The following WFDC11 variants were observed in gnomAD, a reference collection of about 807,000 sequenced individuals.
WFDC11 encodes WAP four-disulfide core domain 11, also known as protein WFDC11.
A neutral mutation model predicts 9.9 loss-of-function variants in WFDC11; 9 were observed. The ratio of observed to expected loss-of-function variants is 0.91; its 90% confidence interval spans 0.55 to 1.58. The LOEUF is 1.58. Among genes scored for constraint, WFDC11 ranks in the 40% most tolerant of loss-of-function variants. The pLI is 0.00. For synonymous variants in WFDC11, 32 were observed against 33.3 expected (o/e 0.96, Z 0.13); for missense variants, 106 against 101.7 (o/e 1.04, Z -0.18).
intron 2 of WFDC11, among the ~76,000 whole-genome samples, chr20:45,665,102 C>T (rs1983159834): frequency 6.6e-6 from 1 of 152,138 alleles, no homozygotes; most frequent in African/African-American, 2.4e-5. Context: ...TTCTTGGAGG[C>T]TTTGTTCATT....
chr20:45,665,625 G>T (rs541161783), intron 2 of WFDC11, among the ~76,000 whole-genome samples: 1 of 151,618 alleles, frequency 6.6e-6, no homozygotes, highest in African/African-American at 2.4e-5. Context: ...TTTTGTTGAC[G>T]TTGATGCTAT....
chr20:45,669,230 AT>A (rs1341220470), intron 1 of WFDC11, among the ~76,000 whole-genome samples: 6 of 152,178 alleles, frequency 3.9e-5, no homozygotes. Context: ...AACCATCTTT[AT>A]CATTTGCTAA....
Position 45,649,311 on chromosome 20 carries a change from G to A in WFDC11, c.189C>T (p.Asp63=). The A allele has an allele frequency of 6.2e-7, 1 of 1,614,068 alleles. No homozygotes were observed. Residue 63 remains aspartate, a synonymous_variant, in exon 4 of 5, where the codon GAC becomes GAT. Transcript: ENST00000324384. ...NKCSKAFRCK[D]KNYTCCWTYC... Reference sequence around the variant, plus strand: ...AGGTCCAGCAGCATGTGTAATTTTTGTCTTTACATCTAAAGGCTTTAGAAC... The same window carrying A: ...AGGTCCAGCAGCATGTGTAATTTTTATCTTTACATCTAAAGGCTTTAGAAC...
At chr20:45,661,023 A>G (rs958913281) in intron 2 of WFDC11, among the ~76,000 whole-genome samples, 32 of 152,196 alleles carry the variant, frequency 2.1e-4, no homozygotes, top group Non-Finnish European at 2.9e-5. Flanking sequence ...ACTAGTTTAC[A>G]GTCCCACCAA....
intron 2 of WFDC11, among the ~76,000 whole-genome samples, chr20:45,656,289 A>T (rs930466923): frequency 6.6e-6 from 1 of 152,210 alleles, no homozygotes. Context: ...CCACACATCT[A>T]CAACCATCTG....
chr20:45,658,153 G>A (rs1854555979), intron 2 of WFDC11, among the ~76,000 whole-genome samples: 1 of 151,936 alleles, frequency 6.6e-6, no homozygotes, highest in Non-Finnish European at 1.5e-5. Flanking sequence ...CACAATCTAG[G>A]CCATAAACAT....
At chr20:45,655,461 T>C (rs1450904859) in intron 2 of WFDC11, among the ~76,000 whole-genome samples, 2 of 152,062 alleles carry the variant, frequency 1.3e-5, no homozygotes, top group African/African-American at 4.8e-5. Context: ...CTATGACAAA[T>C]GCACAGCCAA....
chr20:45,649,340 T>TA lies in WFDC11; in HGVS notation c.159dup (p.Lys54Ter). The TA allele has an allele frequency of 6.2e-7, 1 of 1,614,182 alleles. No homozygotes were observed. The highest frequency in any genetic ancestry group is 8.5e-7 in the Non-Finnish European group (1 of 1,180,030). On this transcript the variant is annotated frameshift_variant, in exon 4 of 5. Coordinates refer to ENST00000324384, the MANE Select transcript of WFDC11 (RefSeq NM_147197.2). LOFTEE classifies it high-confidence loss of function. ...TTACATCTAAAGGCTTTAGAACACT[T>TA]ATTGGTACATTCTTTGACATTTGGC... is the stretch of plus-strand genomic sequence containing the variant.
intron 2 of WFDC11, among the ~76,000 whole-genome samples, chr20:45,664,135 T>C (rs1243996078): frequency 1.3e-5 from 2 of 152,368 alleles, no homozygotes; most frequent in South Asian, 2.1e-4. Flanking sequence ...ATATTTAAGA[T>C]AGTTAGCTCT....
chr20:45,661,157 C>A (rs1027183370), intron 2 of WFDC11, among the ~76,000 whole-genome samples: 1 of 152,194 alleles, frequency 6.6e-6, no homozygotes, highest in African/African-American at 2.4e-5. Context: ...TTGCATTTCT[C>A]TGATGGCCAG....
intron 2 of WFDC11, among the ~76,000 whole-genome samples, chr20:45,656,246 G>A (rs975784431): frequency 9.3e-5 from 14 of 151,306 alleles, no homozygotes; most frequent in African/African-American, 1.7e-4. Flanking sequence ...AGATATAGAC[G>A]AATGGAACAG....
At chr20:45,669,066 C>T (rs911375733) in intron 1 of WFDC11, among the ~76,000 whole-genome samples, 1 of 152,122 alleles carries the variant, frequency 6.6e-6, no homozygotes, top group Non-Finnish European at 1.5e-5. Flanking sequence ...TATAGACATT[C>T]AGAGGATTCA....
chr20:45,654,401 A>G (rs918495777), intron 2 of WFDC11, among the ~76,000 whole-genome samples: 5 of 152,202 alleles, frequency 3.3e-5, no homozygotes, highest in African/African-American at 4.8e-5. Context: ...AAGACACAAC[A>G]TACCAGAATC....
chr20:45,651,905 G>A (rs1311732925), intron 2 of WFDC11, among the ~76,000 whole-genome samples: 2 of 152,208 alleles, frequency 1.3e-5, no homozygotes, highest in African/African-American at 2.4e-5. Flanking sequence ...ACCCTCCATT[G>A]CCGAGGTTTG....
At chr20:45,654,878 C>G (rs1021950705) in intron 2 of WFDC11, among the ~76,000 whole-genome samples, 1 of 152,152 alleles carries the variant, frequency 6.6e-6, no homozygotes, top group African/African-American at 2.4e-5. Context: ...CAAGACTAAA[C>G]CAGGAAGAAG....
At chr20:45,661,551 G>T (rs1279807600) in intron 2 of WFDC11, among the ~76,000 whole-genome samples, 2 of 152,104 alleles carry the variant, frequency 1.3e-5, no homozygotes, top group Non-Finnish European at 2.9e-5. Flanking sequence ...ATGGTTTTAG[G>T]TATAACGTTT....
chr20:45,653,861 A>G (rs1050782938), intron 2 of WFDC11, among the ~76,000 whole-genome samples: 1 of 152,250 alleles, frequency 6.6e-6, no homozygotes, highest in African/African-American at 2.4e-5. Context: ...TAAAGGGATC[A>G]ATTCAACAAG....
At chr20:45,659,470 G>A (rs1024278563) in intron 2 of WFDC11, among the ~76,000 whole-genome samples, 1 of 152,160 alleles carries the variant, frequency 6.6e-6, no homozygotes, top group Admixed American at 6.6e-5. Flanking sequence ...CAGTGATGAC[G>A]AGCTTTTTTT....
intron 2 of WFDC11, among the ~76,000 whole-genome samples, chr20:45,663,399 G>A (rs1278163865): frequency 6.6e-6 from 1 of 151,956 alleles, no homozygotes; most frequent in African/African-American, 2.4e-5. Flanking sequence ...TTGATTTCTT[G>A]AAGTGTTTTT....
Sources: gnomAD v4.1 joint callset for allele counts (sites outside exome capture counted in the v4.1 genomes callset) on GRCh38, gnomAD v4.1.1 for gene constraint, MANE v1.5 for transcripts, NCBI Gene and HGNC (gene_info 2026-07-23, HGNC 2026-07-21) for gene names.